The following PAFAH1B1 variants were observed in gnomAD, a reference collection of about 807,000 sequenced individuals.
PAFAH1B1 encodes the protein platelet activating factor acetylhydrolase 1b regulatory subunit 1, also known as platelet-activating factor acetylhydrolase IB subunit beta.
Under a neutral mutation model 57.5 loss-of-function variants are expected in PAFAH1B1, and 2 were observed. The ratio of observed to expected loss-of-function variants is 0.03; its 90% confidence interval spans 0.01 to 0.11. The LOEUF (loss-of-function observed/expected upper bound fraction) is 0.11, where lower values mean the gene tolerates loss of function less well. PAFAH1B1 is among the 10% of genes least tolerant of loss of function. The probability of loss-of-function intolerance (pLI) is 1.00; values close to 1 mark genes in which losing one functional copy is unlikely to be tolerated. For missense variants in PAFAH1B1, 257 were observed against 512.0 expected, an observed-to-expected ratio of 0.50 and a Z score of 4.81; for synonymous variants, 152 against 169.6, an observed-to-expected ratio of 0.90 and a Z score of 0.81.
At chr17:2,632,209 G>A (rs1160230207) in intron 1 of PAFAH1B1, among the ~76,000 whole-genome samples, 1 of 152,180 alleles carries the variant, frequency 6.6e-6, no homozygotes, top group Non-Finnish European at 1.5e-5. Flanking sequence ...GATTTCAGGC[G>A]TGAGCCTCCA....
At chr17:2,648,973 C>T (rs2068811814) in intron 2 of PAFAH1B1, among the ~76,000 whole-genome samples, 2 of 151,938 alleles carry the variant, frequency 1.3e-5, no homozygotes, top group African/African-American at 4.8e-5. Flanking sequence ...AGAATTAGAA[C>T]TATTGGAAAG....
At chr17:2,671,868 G>T (rs1597573251) in intron 6 of PAFAH1B1, among the ~76,000 whole-genome samples, 1 of 152,046 alleles carries the variant, frequency 6.6e-6, no homozygotes, top group South Asian at 2.1e-4. Flanking sequence ...CTCCCAAAGT[G>T]CTGGGATTAC....
At chr17:2,643,062 AAGT>A (rs1306577197) in intron 2 of PAFAH1B1, among the ~76,000 whole-genome samples, 1 of 152,134 alleles carries the variant, frequency 6.6e-6, no homozygotes, top group Non-Finnish European at 1.5e-5. Flanking sequence ...TCTTAAATAA[AAGT>A]AGCATACTGT....
At chr17:2,613,602 G>T in intron 1 of PAFAH1B1, 1 of 287,472 alleles carries the variant, frequency 3.5e-6, no homozygotes, top group Non-Finnish European at 7.0e-6. Flanking sequence ...GTCAGCAGTG[G>T]CAGGGTCTCC....
chr17:2,594,781 C>T (rs2068066686), intron 1 of PAFAH1B1, among the ~76,000 whole-genome samples: 1 of 152,214 alleles, frequency 6.6e-6, no homozygotes. Context: ...CCCTGCCATT[C>T]CCCTTCGTCT....
chr17:2,663,685 T>G (rs1211274005), intron 2 of PAFAH1B1, among the ~76,000 whole-genome samples: 1 of 141,542 alleles, frequency 7.1e-6, no homozygotes, highest in Non-Finnish European at 1.5e-5. Context: ...AAGGTGGTAG[T>G]GCTAAAATTC....
chr17:2,668,065 C>T (rs2069132144), intron 5 of PAFAH1B1, among the ~76,000 whole-genome samples: 2 of 151,996 alleles, frequency 1.3e-5, no homozygotes, highest in Admixed American at 1.3e-4. Flanking sequence ...TGGCTCACGC[C>T]TGTAATCCCA....
chr17:2,606,960 GACT>G (rs2068212301), intron 1 of PAFAH1B1, among the ~76,000 whole-genome samples: 1 of 151,392 alleles, frequency 6.6e-6, no homozygotes, highest in Non-Finnish European at 1.5e-5. Context: ...TAGTAGCTGG[GACT>G]ACAGGTGCCC....
chr17:2,653,932 C>T (rs2151647682), intron 2 of PAFAH1B1, among the ~76,000 whole-genome samples: 1 of 152,174 alleles, frequency 6.6e-6, no homozygotes, highest in East Asian at 1.9e-4. Flanking sequence ...CCTCAGCCTC[C>T]CAAGTAGCTG....
In PAFAH1B1 at chr17:2,602,539, C is replaced by T. The variant is rs544646037; in HGVS notation, c.-191+8533C>T. Among the ~76,000 whole-genome samples the T allele has an allele frequency of 4.1e-4, 62 of 152,290 alleles. 3 individuals carry two copies. In the South Asian group the frequency reaches 0.011, roughly 28 times the overall value. On this transcript the variant is annotated intron_variant, in intron 1 of 10. Transcript: ENST00000397195. ...ATTTGTTGAGTTAGTCCCCTTCTAT[C>T]CATACTTACCATTACTACTACTACC...
At chr17:2,619,418 A>G (rs1024643209) in intron 1 of PAFAH1B1, among the ~76,000 whole-genome samples, 2 of 152,064 alleles carry the variant, frequency 1.3e-5, no homozygotes, top group Admixed American at 6.6e-5. Context: ...TTTTTGGTAG[A>G]GACTGGGTTT....
Position 2,684,985 on chromosome 17 carries a change from G to T in PAFAH1B1, c.*3183G>T, listed in dbSNP as rs946078949. On this transcript the variant is annotated 3_prime_UTR_variant, in exon 11 of 11. Transcript: ENST00000397195. ...TAAAGGATATTTTGTTGACATCGGTGGCTCGATCATCCTTAAGCAACTGAA... is the reference window on the plus strand; with the variant it reads ...TAAAGGATATTTTGTTGACATCGGTTGCTCGATCATCCTTAAGCAACTGAA... 9.2e-5 allele frequency: 14 copies of T among 152,200 alleles called. No individual in the cohort carries two copies. Among genetic ancestry groups the T allele is most frequent in the Middle Eastern group, 3.4e-3 (1 of 294 alleles). The allele number at this position is 152,200 out of a possible 1,614,324, so 9.4% of individuals were successfully genotyped here.
At chr17:2,615,758 A>G (rs2068331704) in intron 1 of PAFAH1B1, among the ~76,000 whole-genome samples, 1 of 152,138 alleles carries the variant, frequency 6.6e-6, no homozygotes, top group Admixed American at 6.5e-5. Context: ...CTCTTTTTAG[A>G]GGGGCAGTGA....
chr17:2,663,907 C>G (rs2069055913), intron 2 of PAFAH1B1, among the ~76,000 whole-genome samples: 2 of 151,958 alleles, frequency 1.3e-5, no homozygotes, highest in Admixed American at 6.6e-5. Context: ...GTTGGCCAGG[C>G]TGGTCTCGAG....
intron 1 of PAFAH1B1, among the ~76,000 whole-genome samples, chr17:2,626,560 C>CT (rs202130750): frequency 2.2e-5 from 1 of 44,970 alleles, no homozygotes; most frequent in Non-Finnish European, 6.0e-5. Context: ...TCTTCCCCCC[C>CT]CCCCCCCCCC....
chr17:2,600,537 T>C (rs1597507026), intron 1 of PAFAH1B1, among the ~76,000 whole-genome samples: 1 of 123,238 alleles, frequency 8.1e-6, no homozygotes. Context: ...GCCATTGCGC[T>C]CCAGCCTGGG....
At chr17:2,652,051 C>T (rs1369436705) in intron 2 of PAFAH1B1, among the ~76,000 whole-genome samples, 1 of 152,144 alleles carries the variant, frequency 6.6e-6, no homozygotes, top group African/African-American at 2.4e-5. Context: ...TTTGTCTTTT[C>T]CAGAAAATTA....
chr17:2,610,928 C>G (rs747858590), intron 1 of PAFAH1B1, among the ~76,000 whole-genome samples: 1 of 152,158 alleles, frequency 6.6e-6, no homozygotes, highest in Non-Finnish European at 1.5e-5. Context: ...TCCCTCAACC[C>G]AGCTTTTTAA....
At chr17:2,594,451 G>A (rs908290682) in intron 1 of PAFAH1B1, among the ~76,000 whole-genome samples, 4 of 152,210 alleles carry the variant, frequency 2.6e-5, no homozygotes, top group Non-Finnish European at 4.4e-5. Flanking sequence ...CCGCGGAGAC[G>A]AGCACCGCAG....
Sources: allele counts gnomAD v4.1 joint callset (sites outside exome capture counted in the v4.1 genomes callset), GRCh38; gene constraint gnomAD v4.1.1; transcripts MANE v1.5; gene names NCBI Gene and HGNC (gene_info 2026-07-23, HGNC 2026-07-21).